FGF14: variants seen among roughly 807,000 people sequenced by gnomAD.
FGF14 encodes fibroblast growth factor 14, also known as fibroblast growth factor homologous factor 4.
FGF14 carries 5 observed loss-of-function variants against 25.5 expected under a neutral mutation model. That is an observed-to-expected ratio of 0.20 (90% CI 0.10 to 0.41). The LOEUF (loss-of-function observed/expected upper bound fraction) is 0.41. FGF14 is among the 10% of genes least tolerant of loss of function. FGF14 has a pLI of 1.00. For missense variants in FGF14, 222 were observed against 320.1 expected, an observed-to-expected ratio of 0.69 and a Z score of 2.34; for synonymous variants, 138 against 118.3, an observed-to-expected ratio of 1.17 and a Z score of -1.08.
intron 1 of FGF14, among the ~76,000 whole-genome samples, chr13:102,189,294 AATC>A (rs1330599622): frequency 6.6e-6 from 1 of 152,208 alleles, no homozygotes; most frequent in Non-Finnish European, 1.5e-5. Flanking sequence ...ATAGTAAAGA[AATC>A]ATTGAAACAT....
In FGF14 at chr13:102,020,955, G is replaced by A. The variant is rs550801621; in HGVS notation, c.209-145659C>T. Among the ~76,000 whole-genome samples the A allele has an allele frequency of 2.4e-4, 37 of 152,110 alleles. No homozygotes were observed. In the South Asian group the frequency reaches 7.7e-3, roughly 32 times the overall value. On this transcript the variant is annotated intron_variant, in intron 1 of 4. Coordinates refer to the FGF14 transcript ENST00000376131. ...AAAAGGCTGAAGAATGGCCTCGCAGGGAAAAGATAAACAAGAAGGTTGGAG... is the reference window on the plus strand; with the variant it reads ...AAAAGGCTGAAGAATGGCCTCGCAGAGAAAAGATAAACAAGAAGGTTGGAG...
chr13:102,314,400 G>A (rs751651606), intron 1 of FGF14, among the ~76,000 whole-genome samples: 1 of 151,988 alleles, frequency 6.6e-6, no homozygotes, highest in Non-Finnish European at 1.5e-5. Flanking sequence ...CCTCAATCGC[G>A]CTATACATAT....
chr13:102,257,639 A>G (rs1248659301), intron 1 of FGF14, among the ~76,000 whole-genome samples: 3 of 151,806 alleles, frequency 2.0e-5, no homozygotes, highest in Non-Finnish European at 4.4e-5. Context: ...AGCCGTTTGC[A>G]TGTGCATTTC....
intron 1 of FGF14, among the ~76,000 whole-genome samples, chr13:102,236,226 G>A (rs1268276381): frequency 6.6e-6 from 1 of 152,090 alleles, no homozygotes; most frequent in African/African-American, 2.4e-5. Flanking sequence ...TTACTTTGTG[G>A]ACTTGCCCGA....
intron 1 of FGF14, among the ~76,000 whole-genome samples, chr13:102,391,229 A>C (rs1381477804): frequency 1.3e-5 from 2 of 152,214 alleles, no homozygotes; most frequent in Non-Finnish European, 2.9e-5. Context: ...AAGGAGACAA[A>C]GGGATGAAAT....
rs1157694701 is a variant in FGF14, at chr13:102,106,622, A to AAG, written c.209-231328_209-231327dup. ...AGGGAGGGAGAGAGAAAAAGAAAGA[A>AAG]AGAGAGAGAGAGAAAGAAAGAAAAG... On this transcript the variant is annotated intron_variant, in intron 1 of 4. Transcript: ENST00000376131. 2.0e-5 allele frequency among the ~76,000 whole-genome samples: 3 copies of AAG among 151,608 alleles called. No individual in the cohort carries two copies. In the East Asian group the frequency reaches 5.8e-4, roughly 29 times the overall value.
chr13:101,786,993 C>T (rs1055967159), intron 3 of FGF14, among the ~76,000 whole-genome samples: 1 of 152,148 alleles, frequency 6.6e-6, no homozygotes, highest in Admixed American at 6.5e-5. Flanking sequence ...TCCTGTCCCA[C>T]CTTCTAACAT....
At chr13:101,737,764 T>C (rs1433124204) in intron 3 of FGF14, among the ~76,000 whole-genome samples, 1 of 152,166 alleles carries the variant, frequency 6.6e-6, no homozygotes, top group East Asian at 1.9e-4. Flanking sequence ...GGCCTATGTG[T>C]ACATGCATAT....
chr13:101,729,839 A>G lies in FGF14; in HGVS notation c.409-3029T>C, dbSNP rs192646949. ...AGCATGAAATATACCAAGATAAATAATAGTCATTCATTTCACTGAAAAATG... is the reference window on the plus strand; with the variant it reads ...AGCATGAAATATACCAAGATAAATAGTAGTCATTCATTTCACTGAAAAATG... On this transcript the variant is annotated intron_variant, in intron 3 of 4. Coordinates refer to ENST00000376143, the MANE Select transcript of FGF14 (RefSeq NM_004115.4). Among the ~76,000 whole-genome samples, 24 of 152,338 alleles carry G rather than the reference A, an allele frequency of 1.6e-4. No homozygotes were observed. In the East Asian group the frequency reaches 4.6e-3, roughly 29 times the overall value.
intron 1 of FGF14, among the ~76,000 whole-genome samples, chr13:102,313,490 G>T (rs548408226): frequency 6.6e-6 from 1 of 152,018 alleles, no homozygotes; most frequent in Non-Finnish European, 1.5e-5. Context: ...AAACAGTCCC[G>T]ATTTTACAGG....
At chr13:101,947,432 G>A (rs947666142) in intron 1 of FGF14, among the ~76,000 whole-genome samples, 1 of 148,370 alleles carries the variant, frequency 6.7e-6, no homozygotes, top group South Asian at 2.1e-4. Flanking sequence ...GGAATAAAAT[G>A]TAGGTGCCCA....
chr13:102,244,678 T>G (rs530847456), intron 1 of FGF14, among the ~76,000 whole-genome samples: 24 of 152,098 alleles, frequency 1.6e-4, no homozygotes, highest in African/African-American at 5.8e-4. Flanking sequence ...CACAACTGGT[T>G]TTGTGAGGCA....
At chr13:102,379,492 AT>A (rs1338526004) in intron 1 of FGF14, among the ~76,000 whole-genome samples, 2 of 151,438 alleles carry the variant, frequency 1.3e-5, no homozygotes, top group African/African-American at 4.9e-5. Flanking sequence ...GTGTATATAT[AT>A]TTTTAAACTT....
chr13:101,980,344 CAA>C (rs35168923), intron 1 of FGF14, among the ~76,000 whole-genome samples: 2,098 of 144,208 alleles, frequency 0.015, 40 homozygotes, highest in African/African-American at 0.038. Flanking sequence ...CAGAAAATGT[CAA>C]AAAAAAAAAC....
At chr13:102,028,210 A>G (rs939708479) in intron 1 of FGF14, among the ~76,000 whole-genome samples, 1 of 151,890 alleles carries the variant, frequency 6.6e-6, no homozygotes, top group Non-Finnish European at 1.5e-5. Flanking sequence ...GCTTCCCCCA[A>G]ATTTATATTG....
At chr13:101,975,338 C>T (rs1383271304) in intron 1 of FGF14, among the ~76,000 whole-genome samples, 1 of 152,164 alleles carries the variant, frequency 6.6e-6, no homozygotes, top group Non-Finnish European at 1.5e-5. Flanking sequence ...GTACCTTCAG[C>T]TCCACCTTCA....
chr13:102,082,199 A>T (rs1303695110), intron 1 of FGF14, among the ~76,000 whole-genome samples: 2 of 150,084 alleles, frequency 1.3e-5, no homozygotes, highest in African/African-American at 4.9e-5. Context: ...CCTGTGAATT[A>T]TTGTGAAATT....
intron 1 of FGF14, among the ~76,000 whole-genome samples, chr13:102,350,723 G>A (rs1228843960): frequency 1.3e-5 from 2 of 152,218 alleles, no homozygotes; most frequent in African/African-American, 2.4e-5. Context: ...ACGTATTCAG[G>A]TGTAAAATGA....
intron 3 of FGF14, among the ~76,000 whole-genome samples, chr13:101,803,512 C>T (rs895394424): frequency 1.3e-5 from 2 of 151,830 alleles, no homozygotes; most frequent in Non-Finnish European, 2.9e-5. Context: ...GTTCAAGAAC[C>T]TCTGTGCTTA....
Sources: gnomAD v4.1 joint callset for allele counts (sites outside exome capture counted in the v4.1 genomes callset) on GRCh38, gnomAD v4.1.1 for gene constraint, MANE v1.5 for transcripts, NCBI Gene and HGNC (gene_info 2026-07-23, HGNC 2026-07-21) for gene names.